H2AZ2: variants seen among roughly 807,000 people sequenced by gnomAD.
The protein encoded by H2AZ2 is histone H2A.V.
H2AZ2 carries 5 observed loss-of-function variants against 15.5 expected under a neutral mutation model. The observed-to-expected ratio is 0.32, with a 90% confidence interval of 0.17 to 0.68. H2AZ2 has a LOEUF of 0.68. Ranked by LOEUF, H2AZ2 falls within the 30% of genes least tolerant of loss-of-function variation. H2AZ2 has a pLI of 0.72. For missense variants in H2AZ2, 42 were observed against 162.5 expected, an observed-to-expected ratio of 0.26 and a Z score of 4.03; for synonymous variants, 44 against 57.4, an observed-to-expected ratio of 0.77 and a Z score of 1.05.
Position 44,832,487 on chromosome 7 carries a change from T to TA in H2AZ2, c.*2013dup, listed in dbSNP as rs1417613238. 6.6e-6 allele frequency among the ~76,000 whole-genome samples: 1 copy of TA among 152,184 alleles called. No homozygotes were observed. Among genetic ancestry groups the TA allele is most frequent in the African/African-American group, 2.4e-5 (1 of 41,434 alleles). ...ATGGGTACACAGAGCTTCATTCTGCTATTCTTTTTGTGCATTTGTGAAAAT... is the reference window on the plus strand; with the variant it reads ...ATGGGTACACAGAGCTTCATTCTGCTAATTCTTTTTGTGCATTTGTGAAAAT... On this transcript the variant is annotated 3_prime_UTR_variant, in exon 5 of 5. Transcript: ENST00000308153.
At position 44,838,875 on chromosome 7, in the gene H2AZ2, C is replaced by T. The variant is rs569054382; in HGVS notation, c.195+2024G>A. Among the ~76,000 whole-genome samples, 29 of 152,290 alleles carry T rather than the reference C, an allele frequency of 1.9e-4. 1 individual carries two copies. Among genetic ancestry groups the T allele is most frequent in the Admixed American group, 5.2e-4 (8 of 15,292 alleles). ...CCAATCACATCTCCCCAAGTAAGAC[C>T]CTTCTGTTTCCACCAGAATGAATGC... On this transcript the variant is annotated intron_variant, in intron 3 of 4. Coordinates refer to ENST00000308153, the MANE Select transcript of H2AZ2 (RefSeq NM_012412.5).
intron 4 of H2AZ2, 31 bp downstream of exon 4, chr7:44,835,498 T>C: frequency 6.3e-7 from 1 of 1,594,434 alleles, no homozygotes; most frequent in Non-Finnish European, 8.6e-7. Flanking sequence ...GAAAGACCAA[T>C]AAGAATCAAG....
At chr7:44,838,941 A>G (rs12702093) in intron 3 of H2AZ2, among the ~76,000 whole-genome samples, 148,063 of 152,294 alleles carry the variant, frequency 0.97, 71,997 homozygotes, top group East Asian at 1. Flanking sequence ...TACTTCCCCA[A>G]TCTGGAATGT....
In H2AZ2 at chr7:44,836,812, C is replaced by T. The variant is rs370566059; in HGVS notation, c.196-1154G>A. 7.7e-4 allele frequency among the ~76,000 whole-genome samples: 117 copies of T among 151,734 alleles called. 1 individual carries two copies. Among genetic ancestry groups the T allele is most frequent in the Non-Finnish European group, 1.2e-3 (79 of 67,932 alleles). On this transcript the variant is annotated intron_variant, in intron 3 of 4. Transcript: ENST00000308153. ...GAGATCGAGACCATCCTGGCTAACA[C>T]GGTGAAACCCTGTCTCTACTAAAAA...
Position 44,835,308 on chromosome 7 carries a change from CAAAG to C in H2AZ2, c.325+217_325+220del. ...CTTTAAGTATCATATGAAATTTAGA[CAAAG>C]AACTGGCTAAAATAAAAATAGCATT... On this transcript the variant is annotated intron_variant, in intron 4 of 4. Coordinates refer to ENST00000308153, the MANE Select transcript of H2AZ2 (RefSeq NM_012412.5). 3 of 433,222 alleles carry C rather than the reference CAAAG, an allele frequency of 6.9e-6. No individual in the cohort carries two copies. In the East Asian group the frequency reaches 1.0e-4, roughly 15 times the overall value. 26.8% of individuals were successfully genotyped at this position (433,222 alleles called of 1,614,324 possible).
chr7:44,828,944 G>C (rs974398980), downstream of H2AZ2: 1 of 152,166 alleles, frequency 6.6e-6, no homozygotes, highest in Non-Finnish European at 1.5e-5. Flanking sequence ...GCCTTCCTTT[G>C]AATCTGACTC....
chr7:44,841,072 A>G, intron 2 of H2AZ2, 60 bp from the exon 3 acceptor site: 1 of 1,238,118 alleles, frequency 8.1e-7, no homozygotes, highest in Non-Finnish European at 1.2e-6. Flanking sequence ...ACTGACTGTA[A>G]TCAAAGGCTG....
At chr7:44,845,857 A>C (rs3801405) in intron 1 of H2AZ2, among the ~76,000 whole-genome samples, 4,037 of 152,258 alleles carry the variant, frequency 0.027, 186 homozygotes, top group African/African-American at 0.079. Flanking sequence ...TATACAATAA[A>C]TGGATAATTA....
chr7:44,840,335 C>T (rs1354898469), intron 3 of H2AZ2, among the ~76,000 whole-genome samples: 1 of 152,224 alleles, frequency 6.6e-6, no homozygotes, highest in Non-Finnish European at 1.5e-5. Context: ...AATCTACCCA[C>T]CTCAGCCGCC....
At chr7:44,829,203 A>T (rs530570383), downstream of H2AZ2, 1 of 152,262 alleles carries the variant, frequency 6.6e-6, no homozygotes, top group East Asian at 1.9e-4. Context: ...TCTCCCTTAG[A>T]CACTTTTGCA....
At chr7:44,835,343 T>C (rs1793093435) in intron 4 of H2AZ2, 186 bp downstream of exon 4, 1 of 463,510 alleles carries the variant, frequency 2.2e-6, no homozygotes, top group Admixed American at 3.8e-5. Flanking sequence ...GCATTACATA[T>C]GGCTAGAAGG....
Position 44,834,388 on chromosome 7 carries a change from T to A in H2AZ2, c.*113A>T. 7.0e-7 allele frequency: 1 copy of A among 1,434,556 alleles called. No homozygotes were observed. Among genetic ancestry groups the A allele is most frequent in the Non-Finnish European group, 9.2e-7 (1 of 1,081,160 alleles). The allele number at this position is 1,434,556 out of a possible 1,614,324, so 88.9% of individuals were successfully genotyped here. ...TTTCTTTTATCATGTCTACAGTAAT[T>A]GTCTATGCTTTTCCATTTAACTGTT... On this transcript the variant is annotated 3_prime_UTR_variant, in exon 5 of 5. Coordinates refer to ENST00000308153, the MANE Select transcript of H2AZ2 (RefSeq NM_012412.5).
chr7:44,828,331 T>C (rs1224250538), downstream of H2AZ2: 1 of 152,186 alleles, frequency 6.6e-6, no homozygotes, highest in East Asian at 1.9e-4. Flanking sequence ...GAGTTTACCC[T>C]GCCCATGTTC....
chr7:44,845,224 C>T (rs543824868), intron 1 of H2AZ2, among the ~76,000 whole-genome samples: 1 of 152,192 alleles, frequency 6.6e-6, no homozygotes, highest in South Asian at 2.1e-4. Context: ...AAAACCCTGG[C>T]AGGTATCAGA....
At chr7:44,843,661 C>T (rs371451909) in intron 1 of H2AZ2, among the ~76,000 whole-genome samples, 11 of 152,158 alleles carry the variant, frequency 7.2e-5, no homozygotes, top group Non-Finnish European at 1.6e-4. Flanking sequence ...TGGGCTCAAG[C>T]GATTCTCCTG....
Position 44,834,666 on chromosome 7 carries a change from T to C in H2AZ2, c.326-104A>G. On this transcript the variant is annotated intron_variant, in intron 4 of 4. Coordinates refer to ENST00000308153, the MANE Select transcript of H2AZ2 (RefSeq NM_012412.5). ...AAATTTACTTAAGTCCCTTTTCATA[T>C]TCTGATACTGTTAAACTATCTATAC... 3.8e-6 allele frequency: 4 copies of C among 1,062,608 alleles called. No homozygotes were observed. The South Asian group carries it at 6.0e-5, about 16-fold the overall frequency. 65.8% of individuals were successfully genotyped at this position (1,062,608 alleles called of 1,614,324 possible).
downstream of H2AZ2, chr7:44,828,489 T>C (rs1217406956): frequency 1.3e-5 from 2 of 152,132 alleles, no homozygotes; most frequent in Non-Finnish European, 2.9e-5. Context: ...CAGAGTGAGG[T>C]AGGTACTATC....
chr7:44,830,303 C>T (rs1051878665), downstream of H2AZ2: 1 of 774,170 alleles, frequency 1.3e-6, no homozygotes, highest in Non-Finnish European at 2.0e-6. Context: ...TAAGAATTCA[C>T]TGGATAACTA....
At chr7:44,847,641 T>C (rs1260271212) in intron 1 of H2AZ2, among the ~76,000 whole-genome samples, 1 of 152,188 alleles carries the variant, frequency 6.6e-6, no homozygotes, top group East Asian at 1.9e-4. Flanking sequence ...CACATTAAGA[T>C]CCAGCACTTG....
Sources: gnomAD v4.1 joint callset for allele counts (sites outside exome capture counted in the v4.1 genomes callset) on GRCh38, gnomAD v4.1.1 for gene constraint, MANE v1.5 for transcripts, NCBI Gene and HGNC (gene_info 2026-07-23, HGNC 2026-07-21) for gene names.